Variants in STPG2 observed in about 807,000 individuals in gnomAD.
STPG2 encodes the protein sperm-tail PG-rich repeat-containing protein 2.
A neutral mutation model predicts 54.2 loss-of-function variants in STPG2; 56 were observed. The observed-to-expected ratio is 1.03, with a 90% confidence interval of 0.83 to 1.29. The LOEUF is 1.29. Among genes scored for constraint, STPG2 ranks in the 50% most tolerant of loss-of-function variants. STPG2 has a pLI of 0.00. For synonymous variants in STPG2, 200 were observed against 181.8 expected (o/e 1.10, Z -0.81); for missense variants, 596 against 544.9 (o/e 1.09, Z -0.93).
chr4:98,126,355 T>C (rs1470705252), intron 3 of STPG2, among the ~76,000 whole-genome samples: 1 of 152,232 alleles, frequency 6.6e-6, no homozygotes, highest in Non-Finnish European at 1.5e-5. Flanking sequence ...TGCACAGCTC[T>C]GTGCTTGGGG....
intron 10 of STPG2, among the ~76,000 whole-genome samples, chr4:97,710,209 T>C (rs935091773): frequency 5.9e-5 from 9 of 151,860 alleles, no homozygotes; most frequent in Non-Finnish European, 1.3e-4. Flanking sequence ...TATCAATAAC[T>C]AAAAGGAGCA....
In STPG2 at chr4:98,108,894, A is replaced by T. The variant is rs1038001556; in HGVS notation, c.500+299T>A. Among the ~76,000 whole-genome samples, 6 of 152,146 alleles carry T rather than the reference A, an allele frequency of 3.9e-5. No homozygotes were observed. In the South Asian group the frequency reaches 8.3e-4, roughly 21 times the overall value. On this transcript the variant is annotated intron_variant, in intron 4 of 10. Coordinates refer to ENST00000295268, the MANE Select transcript of STPG2 (RefSeq NM_174952.3). ...AATTAACTTGGGGGGATGGGGGGCT[A>T]GGGGAGAGATAGCATTAGGAGAAAT...
chr4:97,493,765 G>C lies in STPG2; in HGVS notation c.462+218934C>G, dbSNP rs140097572. ...CTGTTCCATTTTCAAGCAGAATTTGGTGAAAATATTAAAAAGCCAGTATTT... is the reference window on the plus strand; with the variant it reads ...CTGTTCCATTTTCAAGCAGAATTTGCTGAAAATATTAAAAAGCCAGTATTT... On this transcript the variant is annotated intron_variant, in intron 4 of 4. Coordinates refer to the STPG2 transcript ENST00000522676. Among the ~76,000 whole-genome samples, 289 of 151,608 alleles carry C rather than the reference G, an allele frequency of 1.9e-3. 1 individual carries two copies. Among genetic ancestry groups the C allele is most frequent in the African/African-American group, 6.4e-3 (267 of 41,460 alleles).
chr4:98,082,478 T>G, intron 5 of STPG2, among the ~76,000 whole-genome samples: 1 of 68,316 alleles, frequency 1.5e-5, no homozygotes, highest in Admixed American at 2.2e-4. Flanking sequence ...TTTTTTTTTT[T>G]TTTTTTTTTG....
At chr4:97,916,168 G>A (rs1238837574) in intron 8 of STPG2, among the ~76,000 whole-genome samples, 3 of 152,096 alleles carry the variant, frequency 2.0e-5, no homozygotes, top group Non-Finnish European at 2.9e-5. Flanking sequence ...TGGACAATAA[G>A]CTATATTATC....
intron 10 of STPG2, among the ~76,000 whole-genome samples, chr4:97,560,197 C>A (rs1732188592): frequency 6.6e-6 from 1 of 152,140 alleles, no homozygotes; most frequent in Admixed American, 6.5e-5. Flanking sequence ...CTTATTCCAA[C>A]ATTTTGGAGT....
At chr4:97,816,058 G>A (rs1385470033) in intron 9 of STPG2, among the ~76,000 whole-genome samples, 1 of 152,014 alleles carries the variant, frequency 6.6e-6, no homozygotes, top group Non-Finnish European at 1.5e-5. Context: ...AGGCCTCAGT[G>A]TGTGGTGCTC....
chr4:97,610,315 G>A (rs1733699946), intron 10 of STPG2, among the ~76,000 whole-genome samples: 1 of 152,018 alleles, frequency 6.6e-6, no homozygotes, highest in South Asian at 2.1e-4. Flanking sequence ...TTACCTCAGA[G>A]ACATGGAACT....
intron 4 of STPG2, among the ~76,000 whole-genome samples, chr4:97,467,867 A>C (rs1486673224): frequency 6.7e-6 from 1 of 148,382 alleles, no homozygotes; most frequent in East Asian, 2.0e-4. Context: ...TTAAGATGGG[A>C]TAGGACTCTA....
chr4:97,919,166 A>G (rs1731999808), intron 8 of STPG2, among the ~76,000 whole-genome samples: 1 of 152,086 alleles, frequency 6.6e-6, no homozygotes, highest in Non-Finnish European at 1.5e-5. Context: ...AATAACCAAC[A>G]TAACAGAATT....
intron 5 of STPG2, among the ~76,000 whole-genome samples, chr4:98,030,417 T>C (rs967242424): frequency 1.3e-5 from 2 of 152,202 alleles, no homozygotes; most frequent in African/African-American, 4.8e-5. Flanking sequence ...CTTTATACAT[T>C]ATCAAGGGAG....
At chr4:97,793,076 C>A (rs1727052805) in intron 9 of STPG2, among the ~76,000 whole-genome samples, 1 of 151,978 alleles carries the variant, frequency 6.6e-6, no homozygotes, top group African/African-American at 2.4e-5. Flanking sequence ...ATCACTGGAA[C>A]CTGGGAGACA....
intron 9 of STPG2, among the ~76,000 whole-genome samples, chr4:97,725,743 G>A (rs1350355075): frequency 6.6e-6 from 1 of 151,428 alleles, no homozygotes; most frequent in African/African-American, 2.4e-5. Context: ...ACAAAATACA[G>A]ATTGCTTAAA....
At chr4:97,887,667 TAAGAA>T (rs1322714466) in intron 8 of STPG2, among the ~76,000 whole-genome samples, 1 of 152,174 alleles carries the variant, frequency 6.6e-6, no homozygotes, top group Non-Finnish European at 1.5e-5. Flanking sequence ...GCTCATGTGG[TAAGAA>T]AAGAAAAGTT....
chr4:97,935,259 T>C (rs1433637732), intron 8 of STPG2, among the ~76,000 whole-genome samples: 1 of 151,746 alleles, frequency 6.6e-6, no homozygotes, highest in African/African-American at 2.4e-5. Context: ...CTCTTTATTA[T>C]GCTAGCTACA....
At chr4:98,044,874 G>C (rs1163555941) in intron 5 of STPG2, among the ~76,000 whole-genome samples, 1 of 152,114 alleles carries the variant, frequency 6.6e-6, no homozygotes, top group African/African-American at 2.4e-5. Flanking sequence ...GGTTGCACTG[G>C]ACCGAAGGCT....
intron 4 of STPG2, among the ~76,000 whole-genome samples, chr4:97,538,492 A>G (rs1181476640): frequency 6.6e-6 from 1 of 152,222 alleles, no homozygotes; most frequent in Non-Finnish European, 1.5e-5. Flanking sequence ...AGTTCAGAGA[A>G]AAAAGAATAC....
chr4:97,762,361 C>A (rs1295014866), intron 9 of STPG2, among the ~76,000 whole-genome samples: 1 of 152,102 alleles, frequency 6.6e-6, no homozygotes. Context: ...CCAATCTTTA[C>A]GGGAACATTA....
At chr4:98,116,676 T>A (rs1415285700) in intron 3 of STPG2, among the ~76,000 whole-genome samples, 1 of 151,888 alleles carries the variant, frequency 6.6e-6, no homozygotes, top group Non-Finnish European at 1.5e-5. Context: ...TGTCACATTG[T>A]TATTAATAGG....
Sources: allele counts gnomAD v4.1 joint callset (sites outside exome capture counted in the v4.1 genomes callset), GRCh38; gene constraint gnomAD v4.1.1; transcripts MANE v1.5; gene names NCBI Gene and HGNC (gene_info 2026-07-23, HGNC 2026-07-21).